The following RBPJ variants were observed in gnomAD, a reference collection of about 807,000 sequenced individuals.
The protein encoded by RBPJ is recombining binding protein suppressor of hairless.
A neutral mutation model predicts 67.8 loss-of-function variants in RBPJ; 9 were observed. That is an observed-to-expected ratio of 0.13 (90% CI 0.08 to 0.23). The LOEUF (loss-of-function observed/expected upper bound fraction) is 0.23. Among genes scored for constraint, RBPJ ranks in the 10% least tolerant of loss-of-function variants. The probability of loss-of-function intolerance (pLI) is 1.00; values close to 1 mark genes in which losing one functional copy is unlikely to be tolerated. For synonymous variants in RBPJ, 198 were observed against 203.3 expected, an observed-to-expected ratio of 0.97 and a Z score of 0.22; for missense variants, 305 against 595.6, an observed-to-expected ratio of 0.51 and a Z score of 5.08.
At chr4:26,320,978 C>A (rs374118694), upstream of RBPJ, 587 of 1,610,376 alleles carry the variant, frequency 3.6e-4, no homozygotes, top group Non-Finnish European at 4.8e-4. Flanking sequence ...CCAGGGAAGG[C>A]GTCGGGGGGA....
intron 1 of RBPJ, among the ~76,000 whole-genome samples, chr4:26,217,931 T>A (rs1369206632): frequency 6.6e-6 from 1 of 152,118 alleles, no homozygotes; most frequent in Admixed American, 6.5e-5. Context: ...TAAACACTCG[T>A]GGATAAGAAG....
intron 1 of RBPJ, among the ~76,000 whole-genome samples, chr4:26,291,956 A>G (rs144146701): frequency 1.3e-5 from 2 of 150,918 alleles, no homozygotes; most frequent in African/African-American, 4.9e-5. Context: ...ATAAAACCAT[A>G]CAAGTTTAAC....
At chr4:26,180,138 C>G (rs1342694284) in intron 1 of RBPJ, among the ~76,000 whole-genome samples, 1 of 151,902 alleles carries the variant, frequency 6.6e-6, no homozygotes, top group Non-Finnish European at 1.5e-5. Context: ...CACATGGACA[C>G]AAGGAAGGGG....
chr4:26,326,176 A>G (rs1723611473), intron 1 of RBPJ, among the ~76,000 whole-genome samples: 1 of 152,104 alleles, frequency 6.6e-6, no homozygotes, highest in African/African-American at 2.4e-5. Flanking sequence ...TGTGTGTCTA[A>G]TTCATATATA....
chr4:26,424,494 G>T lies in RBPJ; in HGVS notation c.634+15G>T, dbSNP rs185171306. ...TATTCATCTCTGTGAGTATAAAAGT[G>T]TGCATTTAATGTTTTTAGTGTGAAA... On this transcript the variant is annotated intron_variant, in intron 6 of 10. Transcript: ENST00000355476. This position sits in a 1 kb window ranked among gnomAD's most constrained non-coding sequence, Gnocchi z 5.3. The T allele has an allele frequency of 7.0e-4, 1,121 of 1,611,544 alleles. 10 individuals are homozygous for T. The African/African-American group carries it at 0.014, about 20-fold the overall frequency.
At chr4:26,197,784 G>A (rs960858450) in intron 1 of RBPJ, among the ~76,000 whole-genome samples, 6 of 151,994 alleles carry the variant, frequency 3.9e-5, no homozygotes, top group Admixed American at 3.3e-4. Context: ...TCTCTCCAAA[G>A]AGAGAATAGG....
chr4:26,270,440 G>GAAAGAAAGAAAGAAAGAGAAAGAAAGAAA (rs1720878819), intron 1 of RBPJ, among the ~76,000 whole-genome samples: 1 of 95,528 alleles, frequency 1.0e-5, no homozygotes, highest in African/African-American at 4.4e-5. Flanking sequence ...AAAGAAAGAA[G>GAAAGAAAGAAAGAAAGAGAAAGAAAGAAA]AAAGAAAGAA....
intron 1 of RBPJ, among the ~76,000 whole-genome samples, chr4:26,312,573 C>T (rs1326621791): frequency 6.6e-6 from 1 of 152,184 alleles, no homozygotes; most frequent in African/African-American, 2.4e-5. Context: ...TGTCATGCTT[C>T]CTCCTATTCT....
At chr4:26,258,902 C>G (rs1213230562) in intron 1 of RBPJ, among the ~76,000 whole-genome samples, 1 of 152,044 alleles carries the variant, frequency 6.6e-6, no homozygotes. Context: ...CTCCTGGGTT[C>G]AAGCGATTCT....
chr4:26,186,885 A>C (rs1717283949), intron 1 of RBPJ, among the ~76,000 whole-genome samples: 1 of 152,176 alleles, frequency 6.6e-6, no homozygotes, highest in Admixed American at 6.5e-5. Flanking sequence ...TATCCACGGA[A>C]TACCCCAGCA....
intron 1 of RBPJ, among the ~76,000 whole-genome samples, chr4:26,178,386 A>G (rs1424686835): frequency 1.3e-5 from 2 of 152,170 alleles, no homozygotes; most frequent in Admixed American, 6.5e-5. Flanking sequence ...CTGTAATCCC[A>G]GCACTTTGGG....
At chr4:26,268,909 G>A (rs1463485462) in intron 1 of RBPJ, among the ~76,000 whole-genome samples, 5 of 152,296 alleles carry the variant, frequency 3.3e-5, no homozygotes, top group Non-Finnish European at 5.9e-5. Flanking sequence ...CTTGATAAAT[G>A]TATGTTTACT....
At chr4:26,191,383 T>C (rs1717541324) in intron 1 of RBPJ, among the ~76,000 whole-genome samples, 1 of 149,854 alleles carries the variant, frequency 6.7e-6, no homozygotes, top group Non-Finnish European at 1.5e-5. Flanking sequence ...CCACAGAGGG[T>C]TTTCTTGTGT....
At chr4:26,144,412 G>C in the RBPJ span, among the ~76,000 whole-genome samples, 10 of 151,524 alleles carry the variant, frequency 6.6e-5, no homozygotes, top group African/African-American at 2.4e-4. Context: ...TGGGATTACA[G>C]GCATGCACCA....
At chr4:26,115,445 C>T in the RBPJ span, among the ~76,000 whole-genome samples, 1 of 151,686 alleles carries the variant, frequency 6.6e-6, no homozygotes, top group Non-Finnish European at 1.5e-5. Context: ...AGTGCAGTGG[C>T]GCGATCTCAG....
intron 1 of RBPJ, among the ~76,000 whole-genome samples, chr4:26,171,009 G>A (rs1290092794): frequency 6.6e-6 from 1 of 152,184 alleles, no homozygotes; most frequent in Non-Finnish European, 1.5e-5. Flanking sequence ...TGTTTTGGCT[G>A]GTGGTGGTGG....
chr4:26,266,335 C>A (rs576240608), intron 1 of RBPJ, among the ~76,000 whole-genome samples: 4 of 152,148 alleles, frequency 2.6e-5, no homozygotes, highest in Non-Finnish European at 5.9e-5. Flanking sequence ...TTACATGACA[C>A]GGGCATCTTC....
chr4:26,337,682 CTTTTTT>C (rs386356773), intron 1 of RBPJ, among the ~76,000 whole-genome samples: 1 of 108,028 alleles, frequency 9.3e-6, no homozygotes, highest in African/African-American at 3.6e-5. Context: ...ATTCTTTATC[CTTTTTT>C]TTTTTTTTTT....
intron 1 of RBPJ, among the ~76,000 whole-genome samples, chr4:26,342,841 A>C (rs1725688390): frequency 6.6e-6 from 1 of 152,228 alleles, no homozygotes; most frequent in Non-Finnish European, 1.5e-5. Context: ...TAGGGAGCTT[A>C]GGAAAATGGT....
Sources: allele counts gnomAD v4.1 joint callset (sites outside exome capture counted in the v4.1 genomes callset), GRCh38; gene constraint gnomAD v4.1.1; non-coding constraint Gnocchi (gnomAD v3.1); transcripts MANE v1.5; gene names NCBI Gene and HGNC (gene_info 2026-07-23, HGNC 2026-07-21).